Variants in FAM3A observed in about 807,000 individuals in gnomAD.
The protein encoded by FAM3A is protein FAM3A.
FAM3A carries 5 observed loss-of-function variants against 18.1 expected under a neutral mutation model. That is an observed-to-expected ratio of 0.28 (90% confidence interval 0.14 to 0.58). FAM3A has a LOEUF of 0.58. Ranked by LOEUF, FAM3A falls within the 20% of genes least tolerant of loss-of-function variation. FAM3A has a pLI of 0.91. For synonymous variants in FAM3A, 108 were observed against 90.2 expected, an observed-to-expected ratio of 1.20 and a Z score of -1.12; for missense variants, 154 against 216.6, an observed-to-expected ratio of 0.71 and a Z score of 1.81.
In FAM3A at chrX:154,507,308, C is replaced by G. The variant is rs782120452; in HGVS notation, c.492G>C (p.Lys164Asn). 8.3e-7 allele frequency: 1 copy of G among 1,210,270 alleles called. No individual in the cohort carries two copies. The highest frequency in any genetic ancestry group is 1.7e-5 in the African/African-American group (1 of 57,321). The change falls in exon 8 of 9, where the codon AAG becomes AAC. Residue 164 changes from lysine to asparagine, a missense_variant. By Grantham distance (94) the Lys-to-Asn change is moderately conservative. This residue lies in a region of FAM3A where 112 missense variants were observed against 160.0 expected (regional missense o/e 0.70). Transcript: ENST00000447601. ...TCCTGCTGCCCAGCTCACTGAAGAG[C>G]TTTCTGGTCTCTTCATTCATCCTGC... ...PATKMNEETR[K>N]LFSELGSRNA...
intron 1 of FAM3A, among the ~76,000 whole-genome samples, chrX:154,515,085 G>A (rs782159112): frequency 1.8e-5 from 2 of 112,149 alleles, no homozygotes; most frequent in African/African-American, 6.5e-5. Context: ...CTCCCAAAGT[G>A]CTAGGATTAC....
chrX:154,508,422 G>A (rs977745793), intron 4 of FAM3A, 52 bp downstream of exon 4: 10 of 1,188,100 alleles, frequency 8.4e-6, no homozygotes, highest in Non-Finnish European at 1.0e-5. Flanking sequence ...TGCAGACCCG[G>A]CCCTGGATCC....
At chrX:154,514,876 G>A (rs1427371500) in intron 1 of FAM3A, among the ~76,000 whole-genome samples, 7 of 105,971 alleles carry the variant, frequency 6.6e-5, no homozygotes, top group Non-Finnish European at 1.9e-5. Context: ...ACGGAGTCTC[G>A]CTCTGTCGCC....
In FAM3A at chrX:154,506,458, GCA is replaced by G; in HGVS notation, c.*351_*352del. The G allele has an allele frequency of 4.2e-6, 1 of 237,284 alleles. No individual in the cohort carries two copies. The highest frequency in any genetic ancestry group is 7.8e-6 in the Non-Finnish European group (1 of 127,927). 19.6% of individuals were successfully genotyped at this position (237,284 alleles called of 1,213,427 possible). A position where few individuals can be genotyped will look rare whatever the true frequency, so the allele number is the denominator to read the frequency against. ...AACCTGCCGGGCTGCTCCCAGAGAT[GCA>G]CAGTGAGGGGCAGGCACCCAGGGCC... On this transcript the variant is annotated 3_prime_UTR_variant, in exon 9 of 9. Transcript: ENST00000447601.
Position 154,512,893 on chromosome X carries a change from T to C in FAM3A, c.57A>G (p.Thr19=), listed in dbSNP as rs782692210. ...IVVLVVSVGV[T]WIVVSILLGG... is the part of the protein sequence containing the mutation. ...CCAGGAGGATGCTGACCACGATCCA[T>C]GTGACACCCACACTGACGACTAGGA... The change falls in exon 2 of 9, where the codon ACA becomes ACG. Residue 19 remains threonine (T), a synonymous_variant. Transcript: ENST00000447601. 2.6e-5 allele frequency: 32 copies of C among 1,209,524 alleles called. No individual in the cohort carries two copies. Among genetic ancestry groups the C allele is most frequent in the Non-Finnish European group, 3.0e-5 (27 of 894,616 alleles).
At chrX:154,508,373 G>A (rs1418530997) in intron 4 of FAM3A, 26 bp from the exon 5 acceptor site, 13 of 1,070,045 alleles carry the variant, frequency 1.2e-5, no homozygotes, top group South Asian at 4.3e-5. Flanking sequence ...TGGGGGGGAC[G>A]GGGAGATCCC....
rs1603400969 is a variant in FAM3A, at chrX:154,506,563, G to T, written c.*248C>A. Reference sequence around the variant, plus strand: ...CTAGATGGGCTGACCGGGGGGAACAGTGTTACGAAAAGGAGGCGGGTACCC... The same window carrying T: ...CTAGATGGGCTGACCGGGGGGAACATTGTTACGAAAAGGAGGCGGGTACCC... On this transcript the variant is annotated 3_prime_UTR_variant, in exon 9 of 9. Transcript: ENST00000447601. 2 of 403,387 alleles carry T rather than the reference G, an allele frequency of 5.0e-6. No homozygotes were observed. The highest frequency in any genetic ancestry group is 8.8e-6 in the Non-Finnish European group (2 of 228,505). The allele number at this position is 403,387 out of a possible 1,213,427, so 33.2% of individuals were successfully genotyped here.
rs61453909 is a variant in FAM3A at position 154,510,530 on chromosome X, C to CAAAAAAAA, written c.151+1310_151+1317dup. On this transcript the variant is annotated intron_variant, in intron 3 of 8. Coordinates refer to ENST00000447601, the MANE Select transcript of FAM3A (RefSeq NM_021806.4). ...AACAGAGTAAGACCTCTGTCTCTAC[C>CAAAAAAAA]AAAAAAAAAAAAAAAAAAAAAAGGT... is the stretch of plus-strand genomic sequence containing the variant. 5.0e-5 allele frequency: 2 copies of CAAAAAAAA among 40,129 alleles called. 1 individual carries two copies. 3.3% of individuals were successfully genotyped at this position (40,129 alleles called of 1,213,427 possible).
rs1557220770 is a variant in FAM3A at position 154,508,563 on chromosome X, G to T, written c.186C>A (p.Pro62=). The stretch of plus-strand genomic sequence containing the variant: ...CCAGGTGCTCCTCAGGACACGGCTG[G>T]GGCAGGCCACACTTGTACTTCCTGG... The part of the protein sequence containing the change: ...PRARKYKCGL[P]QPCPEEHLAF... The change falls in exon 4 of 9, where the codon CCC becomes CCA. Residue 62 remains proline, a synonymous_variant. Transcript: ENST00000447601. 8.3e-7 allele frequency: 1 copy of T among 1,199,726 alleles called. No individual in the cohort carries two copies. Among genetic ancestry groups the T allele is most frequent in the Non-Finnish European group, 1.1e-6 (1 of 889,282 alleles).
At chrX:154,510,474 G>A (rs978369745) in intron 3 of FAM3A, 11 of 105,089 alleles carry the variant, frequency 1.0e-4, no homozygotes, top group Non-Finnish European at 7.8e-5. Flanking sequence ...TACAGTGCAC[G>A]GGGATGATAC....
chrX:154,515,858 G>A lies in FAM3A; in HGVS notation c.-86C>T. On this transcript the variant is annotated 5_prime_UTR_variant, in exon 1 of 9. Transcript: ENST00000447601. ...AGGACAGGTTTGGGTGGGGGTCAGG[G>A]GCAAGCCTGTGCGGGACCCCTGCTG... The A allele has an allele frequency of 9.4e-7, 1 of 1,067,562 alleles. No homozygotes were observed. Among genetic ancestry groups the A allele is most frequent in the Non-Finnish European group, 1.3e-6 (1 of 768,231 alleles). 88.0% of individuals were successfully genotyped at this position (1,067,562 alleles called of 1,213,427 possible).
intron 1 of FAM3A, among the ~76,000 whole-genome samples, 195 bp from the exon 2 acceptor site, chrX:154,513,131 T>C (rs782469898): frequency 5.7e-4 from 63 of 111,483 alleles, no homozygotes; most frequent in Middle Eastern, 4.6e-3. Flanking sequence ...AAGGAGGAAA[T>C]TGAGTTCAAA....
intron 1 of FAM3A, 75 bp downstream of exon 1, chrX:154,515,685 A>G: frequency 2.7e-6 from 3 of 1,119,989 alleles, no homozygotes; most frequent in Non-Finnish European, 3.7e-6. Context: ...CTCTCCAGAC[A>G]CAGATGTCGC....
At chrX:154,508,402 C>T (rs1367605120) in intron 4 of FAM3A, 55 bp from the exon 5 acceptor site, 22 of 1,168,998 alleles carry the variant, frequency 1.9e-5, no homozygotes, top group Middle Eastern at 2.4e-4. Flanking sequence ...ACGTCTGCTC[C>T]ACTCTCCCTT....
At chrX:154,507,908 A>T in intron 5 of FAM3A, 47 bp from the exon 6 acceptor site, 1 of 1,114,426 alleles carries the variant, frequency 9.0e-7, no homozygotes, top group Admixed American at 2.6e-5. Flanking sequence ...GGCCAGCCTC[A>T]GGGCACGGCA....
rs782431757 is a variant in FAM3A, at chrX:154,511,844, T to C, written c.151+4A>G. On this transcript the variant is annotated splice_donor_region_variant and intron_variant, in intron 3 of 8. Transcript: ENST00000447601. ...GAGGAGCAGGGAGGTGACAGGGGCC[T>C]TACCTGCAGTCACCGAGCTCTCTGG... The C allele has an allele frequency of 8.3e-7, 1 of 1,208,537 alleles. No homozygotes were observed. Among genetic ancestry groups the C allele is most frequent in the Non-Finnish European group, 1.1e-6 (1 of 893,165 alleles).
chrX:154,515,839 G>C lies in FAM3A; in HGVS notation c.-67C>G. On this transcript the variant is annotated 5_prime_UTR_variant, in exon 1 of 9. Coordinates refer to ENST00000447601, the MANE Select transcript of FAM3A (RefSeq NM_021806.4). ...TGTTTGGGGGCAAAGCGGAAGGACA[G>C]GTTTGGGTGGGGGTCAGGGGCAAGC... 8.7e-7 allele frequency: 1 copy of C among 1,152,506 alleles called. No homozygotes were observed. The highest frequency in any genetic ancestry group is 1.2e-6 in the Non-Finnish European group (1 of 842,782). The allele number at this position is 1,152,506 out of a possible 1,213,427, so 95.0% of individuals were successfully genotyped here. A position where few individuals can be genotyped will look rare whatever the true frequency, so the allele number is the denominator to read the frequency against.
rs376019512 is a variant in FAM3A at position 154,508,334 on chromosome X, C to T, written c.289G>A (p.Val97Ile). The T allele has an allele frequency of 4.6e-5, 47 of 1,020,865 alleles. No individual in the cohort carries two copies. The African/African-American group carries it at 7.5e-4, about 16-fold the overall frequency. The allele number at this position is 1,020,865 out of a possible 1,213,427, so 84.1% of individuals were successfully genotyped here. A position where few individuals can be genotyped will look rare whatever the true frequency, so the allele number is the denominator to read the frequency against. The change falls in exon 5 of 9, where the codon GTC (valine) becomes ATC (isoleucine). Residue 97 changes from valine to isoleucine, a missense_variant. Around this residue, in one of 3 missense-constraint regions of FAM3A, gnomAD observed 112 missense variants for 160.0 expected, o/e 0.70. Coordinates refer to ENST00000447601, the MANE Select transcript of FAM3A (RefSeq NM_021806.4). ...CLEDKMLMSS[V>I]KDNVGRGLNI... ...AGCCCGCGGCCCACGTTGTCCTTGA[C>T]GCTGCTCATCAGCCTAGTTGGGGGG...
Position 154,507,193 on chromosome X carries a change from C to G in FAM3A, c.597+10G>C, listed in dbSNP as rs1557219106. ...GCCCCGGTGGGGGTGATGCCAGGCA[C>G]CCCCCATACCTGCTCAAAGGGGCTC... is the stretch of plus-strand genomic sequence containing the variant. On this transcript the variant is annotated intron_variant, in intron 8 of 8. Transcript: ENST00000447601. 3.4e-6 allele frequency: 4 copies of G among 1,192,030 alleles called. No individual in the cohort carries two copies. The highest frequency in any genetic ancestry group is 4.5e-6 in the Non-Finnish European group (4 of 885,294).
Sources: gnomAD v4.1 joint callset for allele counts (sites outside exome capture counted in the v4.1 genomes callset) on GRCh38, gnomAD v4.1.1 for gene constraint, gnomAD v4.1.1 regional missense constraint, MANE v1.5 for transcripts, NCBI Gene and HGNC (gene_info 2026-07-23, HGNC 2026-07-21) for gene names.